Variants in ANGPT1 observed in about 807,000 individuals in gnomAD.
The protein encoded by ANGPT1 is angiopoietin-1.
A neutral mutation model predicts 62.2 loss-of-function variants in ANGPT1; 17 were observed. The ratio of observed to expected loss-of-function variants is 0.27; its 90% confidence interval spans 0.19 to 0.41. The LOEUF (loss-of-function observed/expected upper bound fraction) is 0.41, where lower values mean the gene tolerates loss of function less well. ANGPT1 is among the 10% of genes least tolerant of loss of function. The pLI is 1.00. For missense variants in ANGPT1, 478 were observed against 594.9 expected, an observed-to-expected ratio of 0.80 and a Z score of 2.04; for synonymous variants, 199 against 198.9, an observed-to-expected ratio of 1.00 and a Z score of 0.00.
chr8:107,414,020 G>T (rs1810662653), intron 1 of ANGPT1, among the ~76,000 whole-genome samples: 1 of 152,154 alleles, frequency 6.6e-6, no homozygotes, highest in East Asian at 1.9e-4. Flanking sequence ...TGAAGGTCAA[G>T]TTGAGATTGC....
chr8:107,319,048 T>C (rs1371008808), intron 4 of ANGPT1, among the ~76,000 whole-genome samples: 1 of 152,168 alleles, frequency 6.6e-6, no homozygotes, highest in Admixed American at 6.5e-5. Context: ...GTTTTGCTTA[T>C]AAAGCACATA....
At chr8:107,257,441 A>C (rs1813383815) in intron 8 of ANGPT1, among the ~76,000 whole-genome samples, 1 of 152,218 alleles carries the variant, frequency 6.6e-6, no homozygotes, top group South Asian at 2.1e-4. Context: ...CAGGAAGTTC[A>C]ACTTTATTTG....
chr8:107,495,344 G>C (rs1220903090), intron 1 of ANGPT1, among the ~76,000 whole-genome samples: 1 of 152,152 alleles, frequency 6.6e-6, no homozygotes, highest in Middle Eastern at 3.4e-3. Flanking sequence ...GTTATTCTTG[G>C]CTATAATCTG....
intron 1 of ANGPT1, among the ~76,000 whole-genome samples, chr8:107,349,557 A>G (rs560815719): frequency 6.6e-6 from 1 of 152,310 alleles, no homozygotes; most frequent in South Asian, 2.1e-4. Flanking sequence ...GACAGTTATC[A>G]TTGCCTACTA....
chr8:107,406,123 T>C (rs1383575815), intron 1 of ANGPT1, among the ~76,000 whole-genome samples: 1 of 151,930 alleles, frequency 6.6e-6, no homozygotes, highest in Non-Finnish European at 1.5e-5. Flanking sequence ...ATTCTTATAG[T>C]TAAAATTGAT....
At chr8:107,340,560 G>C (rs2130134721) in intron 2 of ANGPT1, among the ~76,000 whole-genome samples, 1 of 152,098 alleles carries the variant, frequency 6.6e-6, no homozygotes, top group South Asian at 2.1e-4. Flanking sequence ...TTTTTTTAGA[G>C]ACAGAGTCTC....
intron 2 of ANGPT1, among the ~76,000 whole-genome samples, chr8:107,345,849 C>G (rs530451887): frequency 6.6e-6 from 1 of 152,160 alleles, no homozygotes; most frequent in Non-Finnish European, 1.5e-5. Flanking sequence ...ATGTGAATCA[C>G]TGCCCCAATG....
chr8:107,300,398 A>G (rs1814559076), intron 5 of ANGPT1, among the ~76,000 whole-genome samples: 1 of 151,658 alleles, frequency 6.6e-6, no homozygotes, highest in African/African-American at 2.4e-5. Flanking sequence ...TTTATTATAG[A>G]ACAATGTTAC....
At chr8:107,295,873 A>G (rs1301228608) in intron 5 of ANGPT1, among the ~76,000 whole-genome samples, 1 of 152,052 alleles carries the variant, frequency 6.6e-6, no homozygotes, top group African/African-American at 2.4e-5. Flanking sequence ...AATAATATAA[A>G]CACCTTACAT....
At chr8:107,415,761 A>C (rs1030011713) in intron 1 of ANGPT1, among the ~76,000 whole-genome samples, 1 of 152,186 alleles carries the variant, frequency 6.6e-6, no homozygotes, top group Non-Finnish European at 1.5e-5. Flanking sequence ...TGTGGCATCA[A>C]TAATCCAGCC....
intron 7 of ANGPT1, chr8:107,284,276 T>C (rs1814085162): frequency 6.6e-6 from 1 of 152,560 alleles, no homozygotes; most frequent in Non-Finnish European, 1.5e-5. Context: ...ATTTGAAAAA[T>C]GCTAATTCAA....
At chr8:107,367,284 A>G (rs1816295080) in intron 1 of ANGPT1, among the ~76,000 whole-genome samples, 2 of 152,196 alleles carry the variant, frequency 1.3e-5, no homozygotes, top group Admixed American at 6.5e-5. Flanking sequence ...GTGAAATAGC[A>G]TTATGCCTAA....
chr8:107,484,503 A>G (rs1812768448), intron 1 of ANGPT1, among the ~76,000 whole-genome samples: 1 of 152,054 alleles, frequency 6.6e-6, no homozygotes, highest in East Asian at 1.9e-4. Context: ...CCGGGCTCAA[A>G]TGATCCTCCT....
chr8:107,471,806 C>A (rs933395756), intron 1 of ANGPT1, among the ~76,000 whole-genome samples: 1 of 152,038 alleles, frequency 6.6e-6, no homozygotes, highest in Admixed American at 6.6e-5. Context: ...ATCTTAAGGT[C>A]TGTAGAAATC....
intron 7 of ANGPT1, among the ~76,000 whole-genome samples, chr8:107,275,770 A>G (rs1490702798): frequency 6.6e-6 from 1 of 152,166 alleles, no homozygotes; most frequent in Non-Finnish European, 1.5e-5. Context: ...GGGAACCTAG[A>G]GCAGTGGATC....
At chr8:107,258,704 CA>C (rs1294147794) in intron 8 of ANGPT1, among the ~76,000 whole-genome samples, 6 of 152,130 alleles carry the variant, frequency 3.9e-5, no homozygotes, top group Non-Finnish European at 7.4e-5. Context: ...AGGAACCTAA[CA>C]CTCAAATTTT....
chr8:107,264,839 G>C (rs1813576787), intron 7 of ANGPT1, among the ~76,000 whole-genome samples: 1 of 152,092 alleles, frequency 6.6e-6, no homozygotes, highest in South Asian at 2.1e-4. Flanking sequence ...CTGTGATCCA[G>C]ACATTAATAT....
chr8:107,458,555 A>G (rs538287816), intron 1 of ANGPT1, among the ~76,000 whole-genome samples: 1 of 152,192 alleles, frequency 6.6e-6, no homozygotes, highest in East Asian at 1.9e-4. Context: ...TGTCTAGTAG[A>G]TAATTATTGG....
chr8:107,371,695 A>T (rs977125212), intron 1 of ANGPT1, among the ~76,000 whole-genome samples: 11 of 149,614 alleles, frequency 7.4e-5, no homozygotes, highest in Non-Finnish European at 1.2e-4. Context: ...TCCAGCCTCA[A>T]CCTCCCTAGT....
Sources: allele counts gnomAD v4.1 joint callset (sites outside exome capture counted in the v4.1 genomes callset), GRCh38; gene constraint gnomAD v4.1.1; transcripts MANE v1.5; gene names NCBI Gene and HGNC (gene_info 2026-07-23, HGNC 2026-07-21).